Variants in INSYN2A observed in about 807,000 individuals in gnomAD.
INSYN2A encodes the protein inhibitory synaptic factor 2A, also known as family with sequence similarity 196 member A.
Under a neutral mutation model 39.4 loss-of-function variants are expected in INSYN2A, and 17 were observed. The ratio of observed to expected loss-of-function variants is 0.43; its 90% confidence interval spans 0.30 to 0.65. The LOEUF (loss-of-function observed/expected upper bound fraction) is 0.65, where lower values mean the gene tolerates loss of function less well. INSYN2A is among the 30% of genes least tolerant of loss of function. The pLI, the probability that INSYN2A is intolerant of heterozygous loss-of-function variation, is 0.14. For synonymous variants in INSYN2A, 255 were observed against 265.7 expected (o/e 0.96, Z 0.39); for missense variants, 595 against 631.2 (o/e 0.94, Z 0.61).
rs761394614 is a variant in INSYN2A, at chr10:127,137,912, A to G, written c.1365T>C (p.Thr455=). 2 of 1,614,132 alleles carry G rather than the reference A, an allele frequency of 1.2e-6. No individual in the cohort carries two copies. Among genetic ancestry groups the G allele is most frequent in the South Asian group, 1.1e-5 (1 of 91,084 alleles). Residue 455 remains threonine (T), a synonymous_variant, in exon 6 of 6, where the codon ACT becomes ACC. Transcript: ENST00000522781. ...ATTTTTGCTTGGGAGTTGAGGAGTA[A>G]GTCTCCTGAGAGTAAGGCGAAGGTA... ...QVIPSPYSQE[T]YSSTPKQKSK... is the part of the protein sequence containing the mutation.
intron 2 of INSYN2A, among the ~76,000 whole-genome samples, chr10:127,177,558 G>T (rs1400178447): frequency 6.6e-6 from 1 of 152,210 alleles, no homozygotes; most frequent in Admixed American, 6.5e-5. Context: ...TACGGGGCCC[G>T]AGTGGCTGGA....
chr10:127,185,414 T>C (rs1336683488), intron 2 of INSYN2A, among the ~76,000 whole-genome samples: 2 of 152,054 alleles, frequency 1.3e-5, no homozygotes, highest in Admixed American at 6.5e-5. Context: ...TAATCCCAGC[T>C]ACTTGGGAGG....
chr10:127,140,363 G>A lies in INSYN2A; in HGVS notation c.1257-2343C>T, dbSNP rs148440097. Among the ~76,000 whole-genome samples, 444 of 152,284 alleles carry A rather than the reference G, an allele frequency of 2.9e-3. 2 individuals are homozygous for A. Among genetic ancestry groups the A allele is most frequent in the Middle Eastern group, 0.02 (6 of 294 alleles). On this transcript the variant is annotated intron_variant, in intron 5 of 5. Coordinates refer to ENST00000522781, the MANE Select transcript of INSYN2A (RefSeq NM_001039762.3). ...GCTGCCCTGGGAATCTGCAACCAGAGGCAGGTTCCTTGGTAGAGGGCACTT... is the reference window on the plus strand; with the variant it reads ...GCTGCCCTGGGAATCTGCAACCAGAAGCAGGTTCCTTGGTAGAGGGCACTT...
At chr10:127,139,829 G>A (rs759943799) in intron 5 of INSYN2A, among the ~76,000 whole-genome samples, 2 of 152,168 alleles carry the variant, frequency 1.3e-5, no homozygotes, top group African/African-American at 2.4e-5. Flanking sequence ...AAATGCCCAT[G>A]AACGAGCCTC....
rs1453180858 is a variant in INSYN2A, at chr10:127,136,777, T to G, written c.*1060A>C. The G allele has an allele frequency of 6.6e-6, 1 of 152,656 alleles. No individual in the cohort carries two copies. Among genetic ancestry groups the G allele is most frequent in the Non-Finnish European group, 1.5e-5 (1 of 68,042 alleles). 9.5% of individuals were successfully genotyped at this position (152,656 alleles called of 1,614,324 possible). The stretch of plus-strand genomic sequence containing the variant: ...AATAGGTTAAATGTAGGCGACATTG[T>G]CCCTTGGTAGCAGCTAAACTAAACG... On this transcript the variant is annotated 3_prime_UTR_variant, in exon 6 of 6. Coordinates refer to ENST00000522781, the MANE Select transcript of INSYN2A (RefSeq NM_001039762.3).
chr10:127,181,658 C>G (rs753856167), intron 2 of INSYN2A, among the ~76,000 whole-genome samples: 1 of 152,188 alleles, frequency 6.6e-6, no homozygotes, highest in Non-Finnish European at 1.5e-5. Flanking sequence ...TCAGCATTTT[C>G]TTCCATATGC....
Position 127,176,263 on chromosome 10 carries a change from G to T in INSYN2A, c.133C>A (p.Leu45Met). 3 of 1,614,154 alleles carry T rather than the reference G, an allele frequency of 1.9e-6. No homozygotes were observed. The highest frequency in any genetic ancestry group is 2.5e-6 in the Non-Finnish European group (3 of 1,180,036). The part of the protein sequence containing the change: ...NRQIKKRNKA[L>M]QVRFKDICEA... Reference sequence around the variant, plus strand: ...CAGATATCCTTAAACCGCACCTGCAGGGCTTTGTTCCGTTTTTTAATCTGC... The same window carrying T: ...CAGATATCCTTAAACCGCACCTGCATGGCTTTGTTCCGTTTTTTAATCTGC... Residue 45 changes from leucine to methionine, a missense_variant, in exon 4 of 6, where the codon CTG (leucine) becomes ATG (methionine). Physicochemically the swap from Leu to Met is conservative, Grantham distance 15 (BLOSUM62 2). Coordinates refer to ENST00000522781, the MANE Select transcript of INSYN2A (RefSeq NM_001039762.3). This position sits in a 1 kb window ranked among gnomAD's most constrained non-coding sequence, Gnocchi z 4.4.
chr10:127,188,285 C>A (rs1481043625), intron 2 of INSYN2A, among the ~76,000 whole-genome samples: 1 of 152,208 alleles, frequency 6.6e-6, no homozygotes, highest in African/African-American at 2.4e-5. Flanking sequence ...GGATGAAAAT[C>A]CAGGTCTTTC....
intron 4 of INSYN2A, among the ~76,000 whole-genome samples, chr10:127,170,303 G>T (rs1257719913): frequency 1.3e-5 from 2 of 152,128 alleles, no homozygotes; most frequent in African/African-American, 2.4e-5. Flanking sequence ...CTACCTGCTG[G>T]TCATGTTTAA....
In INSYN2A at chr10:127,136,655, CAA is replaced by C. The variant is rs1055248274; in HGVS notation, c.*1180_*1181del. The C allele has an allele frequency of 3.2e-4, 49 of 152,714 alleles. No homozygotes were observed. The highest frequency in any genetic ancestry group is 1.2e-3 in the African/African-American group (48 of 41,566). 9.5% of individuals were successfully genotyped at this position (152,714 alleles called of 1,614,324 possible). ...TAAGATTTACATTGCAATGTGTAAT[CAA>C]GAGAGAACTCTAAGTGTTACTGTTG... On this transcript the variant is annotated 3_prime_UTR_variant, in exon 6 of 6. Transcript: ENST00000522781.
chr10:127,191,936 A>G (rs2056784893), intron 2 of INSYN2A, among the ~76,000 whole-genome samples: 1 of 152,142 alleles, frequency 6.6e-6, no homozygotes, highest in African/African-American at 2.4e-5. Flanking sequence ...CCTCCTTCCC[A>G]TGTCTCTCAT....
chr10:127,148,830 CTT>C (rs749062293), intron 5 of INSYN2A, among the ~76,000 whole-genome samples: 3 of 152,180 alleles, frequency 2.0e-5, no homozygotes, highest in Non-Finnish European at 2.9e-5. Context: ...ACTGGAATCT[CTT>C]TTAATCTTCT....
chr10:127,146,626 C>G (rs1439158466), intron 5 of INSYN2A, among the ~76,000 whole-genome samples: 1 of 152,160 alleles, frequency 6.6e-6, no homozygotes, highest in Non-Finnish European at 1.5e-5. Flanking sequence ...CCCTGTCACT[C>G]ACCATAAATA....
intron 2 of INSYN2A, among the ~76,000 whole-genome samples, chr10:127,179,062 G>A (rs941442437): frequency 4.6e-5 from 7 of 152,164 alleles, no homozygotes; most frequent in Non-Finnish European, 1.0e-4. Context: ...GAAAGAGAGA[G>A]CATTTTTACA....
intron 4 of INSYN2A, among the ~76,000 whole-genome samples, chr10:127,157,558 A>G (rs1484342252): frequency 1.3e-5 from 2 of 152,214 alleles, no homozygotes; most frequent in African/African-American, 4.8e-5. Flanking sequence ...TTTTATTTAC[A>G]ACCCAGCCCA....
At chr10:127,170,026 G>A (rs2054421605) in intron 4 of INSYN2A, among the ~76,000 whole-genome samples, 1 of 151,728 alleles carries the variant, frequency 6.6e-6, no homozygotes, top group Non-Finnish European at 1.5e-5. Context: ...CTGTGTGCCC[G>A]AGACTTGGGA....
chr10:127,190,581 C>G (rs1167525), intron 2 of INSYN2A, among the ~76,000 whole-genome samples: 150,298 of 150,544 alleles, frequency 1, 75,026 homozygotes, highest in Middle Eastern at 1. Context: ...CATTCTAGGA[C>G]GTAAGAGATA....
chr10:127,195,244 A>G (rs1429788918), intron 1 of INSYN2A, among the ~76,000 whole-genome samples: 1 of 151,850 alleles, frequency 6.6e-6, no homozygotes, highest in Non-Finnish European at 1.5e-5. Context: ...AGCTGCCCCG[A>G]CCCCGGGCTG....
intron 5 of INSYN2A, among the ~76,000 whole-genome samples, chr10:127,139,623 A>G (rs1383390356): frequency 6.6e-6 from 1 of 152,210 alleles, no homozygotes; most frequent in Non-Finnish European, 1.5e-5. Flanking sequence ...TGCTGCATTA[A>G]TGAAATCCGG....
Sources: gnomAD v4.1 joint callset for allele counts (sites outside exome capture counted in the v4.1 genomes callset) on GRCh38, gnomAD v4.1.1 for gene constraint, Gnocchi (gnomAD v3.1) non-coding constraint, MANE v1.5 for transcripts, NCBI Gene and HGNC (gene_info 2026-07-23, HGNC 2026-07-21) for gene names.